The following CLNK variants were observed in gnomAD, a reference collection of about 807,000 sequenced individuals.
CLNK encodes cytokine dependent hematopoietic cell linker.
Under a neutral mutation model 68.6 loss-of-function variants are expected in CLNK, and 74 were observed. The observed-to-expected ratio is 1.08, with a 90% CI of 0.89 to 1.31. The LOEUF (loss-of-function observed/expected upper bound fraction) is 1.31. Among genes scored for constraint, CLNK ranks in the 50% most tolerant of loss-of-function variants. The pLI, the probability that CLNK is intolerant of heterozygous loss-of-function variation, is 0.00. For synonymous variants in CLNK, 198 were observed against 172.2 expected (o/e 1.15, Z -1.17); for missense variants, 553 against 515.3 (o/e 1.07, Z -0.71).
rs1322646686 is a variant in CLNK, at chr4:10,558,437, A to T, written c.415T>A (p.Ser139Thr). The T allele has an allele frequency of 6.2e-7, 1 of 1,613,790 alleles. No individual in the cohort carries two copies. The highest frequency in any genetic ancestry group is 1.7e-5 in the Admixed American group (1 of 59,992). ...ATGTTTTGGCTTCTGACGTCCTTGG[A>T]AATGGGTTTGTCCACCTGTACAAGA... The part of the protein sequence containing the change: ...TRLERVDKPI[S>T]KDVRSQNIKG... The change falls in exon 8 of 19, where the codon TCC becomes ACC. Residue 139 changes from serine (S) to threonine (T), a missense_variant. Ser to Thr is a moderately conservative substitution (Grantham distance 58, BLOSUM62 1). Transcript: ENST00000226951.
intron 18 of CLNK, among the ~76,000 whole-genome samples, chr4:10,499,994 G>A (rs778839389): frequency 2.6e-5 from 4 of 152,162 alleles, no homozygotes; most frequent in African/African-American, 7.2e-5. Flanking sequence ...GGACTTCAAC[G>A]TGTGGGTTTT....
intron 2 of CLNK, among the ~76,000 whole-genome samples, chr4:10,611,837 C>G (rs1722043443): frequency 6.6e-6 from 1 of 152,162 alleles, no homozygotes; most frequent in African/African-American, 2.4e-5. Flanking sequence ...CAGCCAGGAT[C>G]CTCATTGTAA....
intron 2 of CLNK, among the ~76,000 whole-genome samples, chr4:10,615,683 T>C (rs981347010): frequency 6.6e-6 from 1 of 152,214 alleles, no homozygotes; most frequent in Admixed American, 6.5e-5. Context: ...AAGTATGCTG[T>C]CTTGTCATAG....
intron 2 of CLNK, among the ~76,000 whole-genome samples, chr4:10,622,870 C>G (rs138327568): frequency 2.0e-3 from 311 of 152,250 alleles, no homozygotes; most frequent in South Asian, 3.1e-3. Context: ...CCCTTCCTGG[C>G]TTACAAACAG....
At position 10,501,256 on chromosome 4, in the gene CLNK, C is replaced by G. The variant is rs771609751; in HGVS notation, c.1140G>C (p.Glu380Asp). The G allele has an allele frequency of 8.3e-6, 13 of 1,566,956 alleles. No individual in the cohort carries two copies. The highest frequency in any genetic ancestry group is 1.0e-5 in the Non-Finnish European group (12 of 1,164,686). ...FALGTGLRGD[E>D]KFDSVEDIIE... Reference sequence around the variant, plus strand: ...AGGGAGGCTGTTAAGTTATACCCACCTCATCTCCTCTGAGTCCTGTCCCCA... The same window carrying G: ...AGGGAGGCTGTTAAGTTATACCCACGTCATCTCCTCTGAGTCCTGTCCCCA... The change falls in exon 18 of 19, where the codon GAG (glutamate) becomes GAC (aspartate). Residue 380 changes from glutamate (E) to aspartate (D), a missense_variant and splice_region_variant. Coordinates refer to ENST00000226951, the MANE Select transcript of CLNK (RefSeq NM_052964.4).
At chr4:10,543,264 C>A (rs953396381) in intron 8 of CLNK, among the ~76,000 whole-genome samples, 3 of 152,156 alleles carry the variant, frequency 2.0e-5, no homozygotes, top group African/African-American at 7.2e-5. Flanking sequence ...CAGAAGAAGG[C>A]TCCTTGGAAA....
chr4:10,530,770 A>G (rs1368836703), intron 12 of CLNK, among the ~76,000 whole-genome samples: 1 of 152,156 alleles, frequency 6.6e-6, no homozygotes, highest in Non-Finnish European at 1.5e-5. Context: ...TACAGGAAGC[A>G]GGGGACGGAG....
the CLNK span, among the ~76,000 whole-genome samples, chr4:10,727,462 C>T: frequency 1.3e-5 from 2 of 152,228 alleles, no homozygotes; most frequent in Non-Finnish European, 2.9e-5. Context: ...GGGGGTCAGT[C>T]TAATTAAATT....
intron 2 of CLNK, chr4:10,598,759 C>T: frequency 2.6e-6 from 1 of 381,474 alleles, no homozygotes; most frequent in Non-Finnish European, 5.3e-6. Flanking sequence ...CCACATTTTC[C>T]TTTCTTTTGC....
In CLNK at chr4:10,670,259, C is replaced by A. The variant is rs1269094321; in HGVS notation, c.-42-2348G>T. Among the ~76,000 whole-genome samples, 2 of 152,176 alleles carry A rather than the reference C, an allele frequency of 1.3e-5. 1 individual carries two copies. The highest frequency in any genetic ancestry group is 3.8e-4 in the East Asian group (2 of 5,204). ...TTTGGGTATGTGGGGTTATTGATGA[C>A]AATTTTTGAATATTAGTATTTATAG... On this transcript the variant is annotated intron_variant, in intron 1 of 18. Coordinates refer to ENST00000226951, the MANE Select transcript of CLNK (RefSeq NM_052964.4).
intron 2 of CLNK, among the ~76,000 whole-genome samples, chr4:10,631,710 G>A (rs546430393): frequency 1.3e-5 from 2 of 152,296 alleles, no homozygotes; most frequent in East Asian, 3.9e-4. Flanking sequence ...AAAGGGAAAC[G>A]AACAAGTGAA....
chr4:10,577,552 C>A (rs1245295129), intron 4 of CLNK, among the ~76,000 whole-genome samples: 1 of 152,204 alleles, frequency 6.6e-6, no homozygotes, highest in African/African-American at 2.4e-5. Flanking sequence ...AAAATCAAGT[C>A]AGAATTTCCA....
At position 10,555,845 on chromosome 4, in the gene CLNK, T is replaced by TG. The variant is rs35458948; in HGVS notation, c.445+2561dup. Among the ~76,000 whole-genome samples, 96 of 152,014 alleles carry TG rather than the reference T, an allele frequency of 6.3e-4. No individual in the cohort carries two copies. In the South Asian group the frequency reaches 1.0e-2, roughly 16 times the overall value. ...TTAAGCAAGATGCCTGATCCTAAAA[T>TG]GGGGGGGGCATTCATATTAATTTCC... On this transcript the variant is annotated intron_variant, in intron 8 of 18. Transcript: ENST00000226951.
At position 10,583,841 on chromosome 4, in the gene CLNK, T is replaced by C. The variant is rs528640590; in HGVS notation, c.112+1086A>G. ...GATGGGAGGAAGAGGATACAGGTAGTTGGAGCTGGCTGCTGTATTTTACCT... is the reference window on the plus strand; with the variant it reads ...GATGGGAGGAAGAGGATACAGGTAGCTGGAGCTGGCTGCTGTATTTTACCT... On this transcript the variant is annotated intron_variant, in intron 4 of 18. Transcript: ENST00000226951. Among the ~76,000 whole-genome samples the C allele has an allele frequency of 2.0e-5, 3 of 152,274 alleles. No homozygotes were observed. In the South Asian group the frequency reaches 6.2e-4, roughly 32 times the overall value.
chr4:10,512,488 C>T (rs1717633792), intron 16 of CLNK, among the ~76,000 whole-genome samples: 1 of 152,066 alleles, frequency 6.6e-6, no homozygotes, highest in Non-Finnish European at 1.5e-5. Context: ...ACCTTGGCCT[C>T]CCAAAGTGCT....
chr4:10,504,460 A>G (rs1424075486), intron 17 of CLNK, among the ~76,000 whole-genome samples: 1 of 152,146 alleles, frequency 6.6e-6, no homozygotes, highest in Non-Finnish European at 1.5e-5. Context: ...TGTTGGAAAA[A>G]TTTTAGTCTC....
At chr4:10,563,619 C>T (rs1230936883) in intron 7 of CLNK, among the ~76,000 whole-genome samples, 2 of 152,034 alleles carry the variant, frequency 1.3e-5, no homozygotes, top group Non-Finnish European at 2.9e-5. Context: ...ATAGAAAATA[C>T]TGACAATGGC....
At chr4:10,541,412 G>C (rs1295629185) in intron 10 of CLNK, among the ~76,000 whole-genome samples, 1 of 152,052 alleles carries the variant, frequency 6.6e-6, no homozygotes, top group Admixed American at 6.5e-5. Flanking sequence ...GCAGGGAAGA[G>C]AGAGAGATGA....
rs115308418 is a variant in CLNK, at chr4:10,563,239, T to A, written c.399+1432A>T. 6.2e-3 allele frequency among the ~76,000 whole-genome samples: 938 copies of A among 152,290 alleles called. 17 individuals are homozygous for A. The highest frequency in any genetic ancestry group is 0.056 in the East Asian group (292 of 5,180). ...GCAGGTTAATACTCACTAATAACTG[T>A]GGTGCAAACTAAAAAAGAATAGTGA... On this transcript the variant is annotated intron_variant, in intron 7 of 18. Coordinates refer to ENST00000226951, the MANE Select transcript of CLNK (RefSeq NM_052964.4).
Sources: gnomAD v4.1 joint callset for allele counts (sites outside exome capture counted in the v4.1 genomes callset) on GRCh38, gnomAD v4.1.1 for gene constraint, MANE v1.5 for transcripts, NCBI Gene and HGNC (gene_info 2026-07-23, HGNC 2026-07-21) for gene names.